EIF5: variants seen among roughly 807,000 people sequenced by gnomAD.
EIF5 encodes eukaryotic translation initiation factor 5.
A neutral mutation model predicts 48.3 loss-of-function variants in EIF5; 10 were observed. The ratio of observed to expected loss-of-function variants is 0.21; its 90% CI spans 0.13 to 0.35. EIF5 has a LOEUF of 0.35. Among genes scored for constraint, EIF5 ranks in the 10% least tolerant of loss-of-function variants. The probability of loss-of-function intolerance (pLI) is 1.00; values close to 1 mark genes in which losing one functional copy is unlikely to be tolerated. For missense variants in EIF5, 397 were observed against 533.2 expected, an observed-to-expected ratio of 0.74 and a Z score of 2.51; for synonymous variants, 237 against 173.1, an observed-to-expected ratio of 1.37 and a Z score of -2.90.
In EIF5 at chr14:103,338,734, G is replaced by T. The variant is rs2140361051; in HGVS notation, c.586-1G>T. 1 of 1,612,674 alleles carries T rather than the reference G, an allele frequency of 6.2e-7. No individual in the cohort carries two copies. Among genetic ancestry groups the T allele is most frequent in the Non-Finnish European group, 8.5e-7 (1 of 1,179,606 alleles). ...TCAAGTAGCTCTGTTTTCATAAACA[G>T]GAAGAAGAGGAGGATGATGACTGGG... On this transcript the variant is annotated splice_acceptor_variant, in intron 7 of 11. Transcript: ENST00000216554. LOFTEE classifies it high-confidence loss of function.
intron 8 of EIF5, 132 bp downstream of exon 8, chr14:103,339,025 A>AT: frequency 1.1e-5 from 16 of 1,479,388 alleles, no homozygotes; most frequent in Non-Finnish European, 1.5e-5. Flanking sequence ...TCATTTAAAT[A>AT]TTTTTTGCGC....
In EIF5 at chr14:103,341,681, G is replaced by T. The variant is rs2089354395; in HGVS notation, c.*629G>T. The T allele has an allele frequency of 6.6e-6, 1 of 152,242 alleles. No homozygotes were observed. Among genetic ancestry groups the T allele is most frequent in the Non-Finnish European group, 1.5e-5 (1 of 68,068 alleles). The allele number at this position is 152,242 out of a possible 1,614,324, so 9.4% of individuals were successfully genotyped here. The stretch of plus-strand genomic sequence containing the variant: ...ATGACCTCAGTGTCCTATAAATAAT[G>T]TAAGAGCAGGATTTGAAACTTGGAG... On this transcript the variant is annotated 3_prime_UTR_variant, in exon 12 of 12. Transcript: ENST00000216554.
rs140492005 is a variant in EIF5, at chr14:103,344,042, T to C, written c.*2990T>C. The C allele has an allele frequency of 2.0e-5, 3 of 152,330 alleles. No homozygotes were observed. Among genetic ancestry groups the C allele is most frequent in the East Asian group, 1.9e-4 (1 of 5,186 alleles). The allele number at this position is 152,330 out of a possible 1,614,324, so 9.4% of individuals were successfully genotyped here. ...TAGTACCAGAAACAGTGTTGCACTT[T>C]CGTTGCATGTGCTGTGTGACCCCAA... On this transcript the variant is annotated 3_prime_UTR_variant, in exon 12 of 12. Coordinates refer to ENST00000216554, the MANE Select transcript of EIF5 (RefSeq NM_001969.5).
At chr14:103,339,859 TTTGG>T in intron 10 of EIF5, 56 bp downstream of exon 10, 1 of 1,560,196 alleles carries the variant, frequency 6.4e-7, no homozygotes, top group Non-Finnish European at 8.7e-7. Context: ...GGTTTTTTTG[TTTGG>T]TTGATTGTTT....
chr14:103,337,256 T>C (rs1220754436), intron 6 of EIF5, 29 bp downstream of exon 6: 3 of 1,555,938 alleles, frequency 1.9e-6, no homozygotes, highest in Non-Finnish European at 2.6e-6. Flanking sequence ...ACTCCTAAGA[T>C]CCTAAGATAA....
chr14:103,340,411 T>A lies in EIF5; in HGVS notation c.1072-16T>A, dbSNP rs2140362547. The A allele has an allele frequency of 6.3e-7, 1 of 1,596,214 alleles. No homozygotes were observed. Among genetic ancestry groups the A allele is most frequent in the Admixed American group, 1.7e-5 (1 of 59,688 alleles). ...TAAAATTCCTCAACTAAGAGACTTG[T>A]ACTCACATTTTTTAGGCCTCTAAGA... On this transcript the variant is annotated splice_polypyrimidine_tract_variant and intron_variant, in intron 10 of 11. Transcript: ENST00000216554.
chr14:103,344,413 G>A lies in EIF5; in HGVS notation c.*3361G>A, dbSNP rs1333707864. 1 of 152,190 alleles carries A rather than the reference G, an allele frequency of 6.6e-6. No homozygotes were observed. Among genetic ancestry groups the A allele is most frequent in the Non-Finnish European group, 1.5e-5 (1 of 68,034 alleles). The allele number at this position is 152,190 out of a possible 1,614,324, so 9.4% of individuals were successfully genotyped here. A position where few individuals can be genotyped will look rare whatever the true frequency, so the allele number is the denominator to read the frequency against. On this transcript the variant is annotated 3_prime_UTR_variant, in exon 12 of 12. Transcript: ENST00000216554. Reference sequence around the variant, plus strand: ...CAATGTCAGGACCTCCAGGTGAATGGTAGGATCTGAGTTGACCCTGCAGTT... The same window carrying A: ...CAATGTCAGGACCTCCAGGTGAATGATAGGATCTGAGTTGACCCTGCAGTT...
intron 9 of EIF5, 103 bp downstream of exon 9, chr14:103,339,436 G>A: frequency 3.4e-6 from 5 of 1,464,524 alleles, no homozygotes; most frequent in South Asian, 2.7e-5. Flanking sequence ...TGAAAGTGGG[G>A]AAATTGACCC....
chr14:103,334,350 C>T (rs1388534351), intron 1 of EIF5, 39 bp from the exon 2 acceptor site: 1 of 152,274 alleles, frequency 6.6e-6, no homozygotes, highest in Non-Finnish European at 1.5e-5. Context: ...GTGCACTCCC[C>T]GACCGCCCAC....
intron 11 of EIF5, among the ~76,000 whole-genome samples, 178 bp from the exon 12 acceptor site, chr14:103,340,785 A>G (rs2089344357): frequency 6.6e-6 from 1 of 152,216 alleles, no homozygotes; most frequent in Non-Finnish European, 1.5e-5. Flanking sequence ...AACTTTAAAA[A>G]TGCTCTTAGA....
rs754376003 is a variant in EIF5 at position 103,340,428 on chromosome 14, C to T, written c.1073C>T (p.Ala358Val). 4 of 1,598,278 alleles carry T rather than the reference C, an allele frequency of 2.5e-6. No individual in the cohort carries two copies. Among genetic ancestry groups the T allele is most frequent in the East Asian group, 2.2e-5 (1 of 44,458 alleles). The change falls in exon 11 of 12, where the codon GCC becomes GTC. Residue 358 changes from alanine to valine, a missense_variant and splice_region_variant. By Grantham distance (64) the Ala-to-Val change is moderately conservative. Coordinates refer to ENST00000216554, the MANE Select transcript of EIF5 (RefSeq NM_001969.5). Reference protein sequence around the residue: ...EEVIISWSEKASKKYVSKELA... With the variant: ...EEVIISWSEKVSKKYVSKELA... ...GAGACTTGTACTCACATTTTTTAGGCCTCTAAGAAATATGTCTCCAAAGAA... is the reference window on the plus strand; with the variant it reads ...GAGACTTGTACTCACATTTTTTAGGTCTCTAAGAAATATGTCTCCAAAGAA...
At chr14:103,334,702 GCGGGCGCGGGCC>G in intron 2 of EIF5, 105 bp downstream of exon 2, 1 of 146,198 alleles carries the variant, frequency 6.8e-6, no homozygotes, top group South Asian at 2.1e-4. Context: ...CGGACGGCGG[GCGGGCGCGGGCC>G]CGGGCGCCGG....
chr14:103,336,656 A>G (rs1296287111), intron 4 of EIF5, 21 bp from the exon 5 acceptor site: 1 of 1,589,948 alleles, frequency 6.3e-7, no homozygotes, highest in East Asian at 2.2e-5. Flanking sequence ...AACGATCCAA[A>G]CTCCTTTTTC....
At position 103,339,776 on chromosome 14, in the gene EIF5, A is replaced by G; in HGVS notation, c.1044A>G (p.Glu348=). 1.9e-6 allele frequency: 3 copies of G among 1,614,202 alleles called. No homozygotes were observed. The Admixed American group carries it at 5.0e-5, about 27-fold the overall frequency. Residue 348 remains glutamate, a synonymous_variant, in exon 10 of 12, where the codon GAA becomes GAG. Coordinates refer to ENST00000216554, the MANE Select transcript of EIF5 (RefSeq NM_001969.5). ...KEMYDADLLE[E]EVIISWSEKA... ...TGTACGATGCAGACCTTTTAGAAGA[A>G]GAGGTCATCATCAGCTGGTCGGAAA...
chr14:103,338,732 C>T lies in EIF5; in HGVS notation c.586-3C>T. The T allele has an allele frequency of 6.2e-7, 1 of 1,611,486 alleles. No homozygotes were observed. The highest frequency in any genetic ancestry group is 2.2e-5 in the East Asian group (1 of 44,866). On this transcript the variant is annotated splice_polypyrimidine_tract_variant and splice_region_variant and intron_variant, in intron 7 of 11. Transcript: ENST00000216554. ...GATCAAGTAGCTCTGTTTTCATAAA[C>T]AGGAAGAAGAGGAGGATGATGACTG...
Position 103,340,651 on chromosome 14 carries a change from T to C in EIF5, c.1206+90T>C, listed in dbSNP as rs1595365597. The C allele has an allele frequency of 3.4e-6, 5 of 1,492,382 alleles. No homozygotes were observed. The South Asian group carries it at 5.3e-5, about 16-fold the overall frequency. 92.4% of individuals were successfully genotyped at this position (1,492,382 alleles called of 1,614,324 possible). ...TTTGTGAGGAGTGATATAATGGCAG[T>C]TTGGGGTAATTTCAGGTTTAGAATT... On this transcript the variant is annotated intron_variant, in intron 11 of 11. Transcript: ENST00000216554.
chr14:103,337,058 C>G, intron 5 of EIF5, 58 bp from the exon 6 acceptor site: 1 of 1,504,704 alleles, frequency 6.6e-7, no homozygotes, highest in Non-Finnish European at 9.1e-7. Flanking sequence ...GTTTAGATGT[C>G]CTCTGATTAG....
chr14:103,338,987 C>T (rs2089321696), intron 8 of EIF5, 94 bp downstream of exon 8: 2 of 1,513,202 alleles, frequency 1.3e-6, no homozygotes, highest in Admixed American at 2.2e-5. Context: ...TAGGATTACT[C>T]TAATGCACGA....
chr14:103,335,884 C>T lies in EIF5; in HGVS notation c.24C>T (p.Ser8=), dbSNP rs200373919. Residue 8 remains serine (S), a synonymous_variant, in exon 3 of 12, where the codon AGC becomes AGT. Transcript: ENST00000216554. MSVNVNR[S]VSDQFYRYKM... is the part of the protein sequence containing the mutation. ...AAATGTCTGTCAATGTCAACCGCAG[C>T]GTGTCAGACCAGTTCTATCGCTACA... is the stretch of plus-strand genomic sequence containing the variant. The T allele has an allele frequency of 6.8e-6, 11 of 1,614,190 alleles. No individual in the cohort carries two copies. The South Asian group carries it at 1.1e-4, about 16-fold the overall frequency.
Sources: gnomAD v4.1 joint callset for allele counts (sites outside exome capture counted in the v4.1 genomes callset) on GRCh38, gnomAD v4.1.1 for gene constraint, MANE v1.5 for transcripts, NCBI Gene and HGNC (gene_info 2026-07-23, HGNC 2026-07-21) for gene names.